The following MMP26 variants were observed in gnomAD, a reference collection of about 807,000 sequenced individuals.
MMP26 encodes matrix metallopeptidase 26.
In MMP26, 33 loss-of-function variants were observed where a neutral mutation model predicts 31.0. The observed-to-expected ratio is 1.06, with a 90% confidence interval of 0.81 to 1.42. The LOEUF (loss-of-function observed/expected upper bound fraction) is 1.42, where lower values mean the gene tolerates loss of function less well. MMP26 is among the 40% of genes most tolerant of loss of function. The pLI is 0.00. For synonymous variants in MMP26, 122 were observed against 114.9 expected, an observed-to-expected ratio of 1.06 and a Z score of -0.40; for missense variants, 347 against 316.1, an observed-to-expected ratio of 1.10 and a Z score of -0.74.
chr11:4,729,071 C>T (rs1014092985), intron 1 of MMP26, among the ~76,000 whole-genome samples: 8 of 151,510 alleles, frequency 5.3e-5, no homozygotes, highest in East Asian at 1.9e-4. Flanking sequence ...TAAATTGTTC[C>T]AATTTTTTGC....
At chr11:4,760,572 C>G (rs1335371489) in intron 1 of MMP26, among the ~76,000 whole-genome samples, 2 of 152,218 alleles carry the variant, frequency 1.3e-5, no homozygotes, top group East Asian at 3.8e-4. Context: ...CTACGTATCT[C>G]TACATGTGTA....
At chr11:4,722,602 G>A (rs1347993424) in intron 1 of MMP26, 5 of 555,110 alleles carry the variant, frequency 9.0e-6, no homozygotes, top group African/African-American at 7.7e-5. Context: ...AAACTCCCCC[G>A]TGGGTGGGCT....
chr11:4,822,927 G>A (rs1849530289), intron 2 of MMP26, among the ~76,000 whole-genome samples: 1 of 152,112 alleles, frequency 6.6e-6, no homozygotes. Context: ...TATGTGCTCA[G>A]CATCAGTTAC....
chr11:4,861,555 T>G (rs1047453721), intron 2 of MMP26, among the ~76,000 whole-genome samples: 3 of 151,960 alleles, frequency 2.0e-5, no homozygotes, highest in Admixed American at 6.6e-5. Context: ...TTTAATGAAT[T>G]ACATATGCAA....
chr11:4,862,387 T>C (rs1850174464), intron 2 of MMP26, among the ~76,000 whole-genome samples: 1 of 152,182 alleles, frequency 6.6e-6, no homozygotes, highest in Admixed American at 6.5e-5. Flanking sequence ...AATGAAGACA[T>C]AAAACAATGA....
chr11:4,873,607 C>G (rs1029554998), intron 2 of MMP26, among the ~76,000 whole-genome samples: 2 of 152,042 alleles, frequency 1.3e-5, no homozygotes, highest in African/African-American at 4.8e-5. Context: ...TTTAGAATTA[C>G]ATAAATAGAT....
chr11:4,785,347 C>A (rs1014760718), intron 2 of MMP26, among the ~76,000 whole-genome samples: 1 of 152,142 alleles, frequency 6.6e-6, no homozygotes, highest in East Asian at 1.9e-4. Flanking sequence ...ATCTTGTCCC[C>A]TAATTCATAT....
intron 1 of MMP26, among the ~76,000 whole-genome samples, chr11:4,766,692 T>TA (rs1848632755): frequency 2.7e-5 from 1 of 37,366 alleles, no homozygotes; most frequent in African/African-American, 9.0e-5. Context: ...CCCACTTTCC[T>TA]TTCCCTCCCT....
intron 2 of MMP26, among the ~76,000 whole-genome samples, chr11:4,971,644 G>A (rs1564817240): frequency 6.6e-6 from 1 of 152,096 alleles, no homozygotes; most frequent in African/African-American, 2.4e-5. Flanking sequence ...GAAGATTTTG[G>A]CTTAGTCTGT....
intron 2 of MMP26, among the ~76,000 whole-genome samples, chr11:4,772,889 C>T (rs12789492): frequency 0.095 from 14,444 of 152,192 alleles, 852 homozygotes; most frequent in Middle Eastern, 0.15. Context: ...GATTTCTACT[C>T]TGCTATTACT....
chr11:4,921,398 A>G lies in MMP26; in HGVS notation c.-144-66670A>G, dbSNP rs532365440. Among the ~76,000 whole-genome samples, 3 of 152,340 alleles carry G rather than the reference A, an allele frequency of 2.0e-5. No homozygotes were observed. The South Asian group carries it at 6.2e-4, about 32-fold the overall frequency. ...GATAAAATACAATAAAACAAAACAA[A>G]ACAAAATAAAATAAAATAAATGACA... On this transcript the variant is annotated intron_variant, in intron 2 of 7. Transcript: ENST00000380390.
At chr11:4,874,329 C>T (rs1275203978) in intron 2 of MMP26, among the ~76,000 whole-genome samples, 4 of 152,132 alleles carry the variant, frequency 2.6e-5, no homozygotes, top group Admixed American at 2.6e-4. Context: ...TTTGGAGTGA[C>T]TTTTTTCCAT....
Position 4,843,282 on chromosome 11 carries a change from C to T in MMP26, c.-145+75941C>T, listed in dbSNP as rs567690099. Among the ~76,000 whole-genome samples, 3 of 152,352 alleles carry T rather than the reference C, an allele frequency of 2.0e-5. No individual in the cohort carries two copies. In the South Asian group the frequency reaches 6.2e-4, roughly 32 times the overall value. ...ACTCTGTGTGGGGGCTCCAACCCTA[C>T]ATTTCCTCACTCCACTGCCTTAGTA... On this transcript the variant is annotated intron_variant, in intron 2 of 7. Transcript: ENST00000380390.
intron 2 of MMP26, chr11:4,848,378 C>A: frequency 6.2e-7 from 1 of 1,614,042 alleles, no homozygotes; most frequent in Non-Finnish European, 8.5e-7. Context: ...TATGGGTATG[C>A]TGAGTGATTG....
At chr11:4,908,178 T>C (rs1406390190) in intron 2 of MMP26, 1 of 1,614,212 alleles carries the variant, frequency 6.2e-7, no homozygotes, top group Non-Finnish European at 8.5e-7. Context: ...AAAAGCCCTC[T>C]TGTTGTGATC....
chr11:4,733,727 G>A (rs1439533558), intron 1 of MMP26, among the ~76,000 whole-genome samples: 4 of 152,152 alleles, frequency 2.6e-5, no homozygotes, highest in South Asian at 2.1e-4. Flanking sequence ...GAATAAAATG[G>A]ATGAGAGTGG....
chr11:4,991,497 G>A lies in MMP26; in HGVS notation c.595+1G>A, dbSNP rs1451407277. 1 of 1,613,278 alleles carries A rather than the reference G, an allele frequency of 6.2e-7. No homozygotes were observed. On this transcript the variant is annotated splice_donor_variant, in intron 6 of 7. Coordinates refer to ENST00000380390, the MANE Select transcript of MMP26 (RefSeq NM_021801.5). LOFTEE classifies it high-confidence loss of function. ...GAACACTGGTCAGCTTCAGACACTG[G>A]TAAATGCCTTGTTTGGTGGGATCGC... is the stretch of plus-strand genomic sequence containing the variant.
intron 2 of MMP26, among the ~76,000 whole-genome samples, chr11:4,828,442 T>C (rs1681498375): frequency 6.6e-6 from 1 of 152,160 alleles, no homozygotes; most frequent in Admixed American, 6.6e-5. Flanking sequence ...TCATAATAGG[T>C]CATCAAGAAA....
Position 4,882,075 on chromosome 11 carries a change from A to G in MMP26, c.-144-105993A>G, listed in dbSNP as rs200908597. The G allele has an allele frequency of 7.1e-5, 115 of 1,613,936 alleles. No individual in the cohort carries two copies. In the East Asian group the frequency reaches 2.5e-3, roughly 35 times the overall value. On this transcript the variant is annotated intron_variant, in intron 2 of 7. Transcript: ENST00000380390. The stretch of plus-strand genomic sequence containing the variant: ...ATCATTACTAAGCGGAGACTCCACA[A>G]ACCCATGTATTATTTCCTCTCCATG...
Sources: allele counts gnomAD v4.1 joint callset (sites outside exome capture counted in the v4.1 genomes callset), GRCh38; gene constraint gnomAD v4.1.1; transcripts MANE v1.5; gene names NCBI Gene and HGNC (gene_info 2026-07-23, HGNC 2026-07-21).